Variants in BRINP3 observed in about 807,000 individuals in gnomAD.
BRINP3 encodes the protein BMP/retinoic acid inducible neural specific 3.
A neutral mutation model predicts 71.0 loss-of-function variants in BRINP3; 19 were observed. The ratio of observed to expected loss-of-function variants is 0.27; its 90% CI spans 0.19 to 0.39. The LOEUF (loss-of-function observed/expected upper bound fraction) is 0.39, where lower values mean the gene tolerates loss of function less well. BRINP3 is among the 10% of genes least tolerant of loss of function. The probability of loss-of-function intolerance (pLI) is 1.00; values close to 1 mark genes in which losing one functional copy is unlikely to be tolerated. For synonymous variants in BRINP3, 380 were observed against 337.7 expected, an observed-to-expected ratio of 1.13 and a Z score of -1.37; for missense variants, 959 against 940.8, an observed-to-expected ratio of 1.02 and a Z score of -0.25.
intron 2 of BRINP3, among the ~76,000 whole-genome samples, chr1:190,305,350 C>A (rs543111849): frequency 7.2e-5 from 11 of 151,754 alleles, no homozygotes; most frequent in Non-Finnish European, 1.2e-4. Flanking sequence ...TGGAATCAAT[C>A]CAAATGTCCA....
chr1:190,107,341 T>A (rs1227455390), intron 7 of BRINP3, among the ~76,000 whole-genome samples: 1 of 151,940 alleles, frequency 6.6e-6, no homozygotes, highest in Non-Finnish European at 1.5e-5. Context: ...TCTGTCCTTG[T>A]TACCCTCCTA....
chr1:190,344,927 A>T (rs147268754), intron 2 of BRINP3, among the ~76,000 whole-genome samples: 41 of 152,020 alleles, frequency 2.7e-4, no homozygotes, highest in African/African-American at 7.2e-4. Flanking sequence ...TTAAAGCAGA[A>T]GTAGTGAGCA....
chr1:190,195,489 T>A (rs1316334470), intron 6 of BRINP3, among the ~76,000 whole-genome samples: 1 of 152,006 alleles, frequency 6.6e-6, no homozygotes, highest in African/African-American at 2.4e-5. Context: ...AAACTTTTTA[T>A]ATATCCCTTG....
At position 190,196,476 on chromosome 1, in the gene BRINP3, C is replaced by T. The variant is rs539460051; in HGVS notation, c.961+29606G>A. On this transcript the variant is annotated intron_variant, in intron 6 of 7. Transcript: ENST00000367462. Reference sequence around the variant, plus strand: ...CAAAAAACATTTAAACATGTGTTTGCATTCCAAAGTAAACAGTTATAATAA... The same window carrying T: ...CAAAAAACATTTAAACATGTGTTTGTATTCCAAAGTAAACAGTTATAATAA... 3.9e-5 allele frequency among the ~76,000 whole-genome samples: 6 copies of T among 152,202 alleles called. No individual in the cohort carries two copies. In the East Asian group the frequency reaches 9.7e-4, roughly 25 times the overall value.
chr1:190,126,386 A>T (rs896572079), intron 7 of BRINP3, among the ~76,000 whole-genome samples: 1 of 151,770 alleles, frequency 6.6e-6, no homozygotes, highest in Non-Finnish European at 1.5e-5. Flanking sequence ...CCACATTCCC[A>T]CTTGACCTCC....
chr1:190,390,380 G>A (rs1571929758), intron 2 of BRINP3, among the ~76,000 whole-genome samples: 1 of 151,874 alleles, frequency 6.6e-6, no homozygotes, highest in African/African-American at 2.4e-5. Flanking sequence ...ACATGACCAT[G>A]GTGTGAATGC....
chr1:190,234,884 G>T (rs946521758), intron 4 of BRINP3, among the ~76,000 whole-genome samples: 3 of 151,992 alleles, frequency 2.0e-5, no homozygotes, highest in African/African-American at 7.2e-5. Context: ...TCTCAAAACT[G>T]ATTTTATTAT....
chr1:190,460,954 T>G (rs183180013), intron 1 of BRINP3, among the ~76,000 whole-genome samples: 2 of 152,148 alleles, frequency 1.3e-5, no homozygotes, highest in African/African-American at 4.8e-5. Context: ...CAATACCAAC[T>G]TTGCCTCTAA....
chr1:190,310,107 T>G (rs922500291), intron 2 of BRINP3, among the ~76,000 whole-genome samples: 1 of 151,044 alleles, frequency 6.6e-6, no homozygotes. Flanking sequence ...GTTGTTGTTT[T>G]TTTTTTTTTT....
intron 5 of BRINP3, among the ~76,000 whole-genome samples, chr1:190,232,657 T>A (rs1200591068): frequency 6.6e-6 from 1 of 152,090 alleles, no homozygotes; most frequent in African/African-American, 2.4e-5. Context: ...ATTTATTCCT[T>A]GTGTTAATTA....
chr1:190,305,772 A>G (rs117096793), intron 2 of BRINP3, among the ~76,000 whole-genome samples: 1,535 of 151,960 alleles, frequency 0.01, 23 homozygotes, highest in African/African-American at 0.034. Flanking sequence ...GTAGATTTCA[A>G]AAAAGCTAGA....
intron 2 of BRINP3, among the ~76,000 whole-genome samples, chr1:190,433,530 G>T (rs1042190650): frequency 3.9e-5 from 6 of 151,920 alleles, no homozygotes; most frequent in Admixed American, 3.9e-4. Context: ...CATATTCCAG[G>T]CCTCAGTTCA....
intron 4 of BRINP3, among the ~76,000 whole-genome samples, chr1:190,242,400 C>T (rs1021125502): frequency 5.9e-5 from 9 of 151,828 alleles, no homozygotes; most frequent in African/African-American, 2.2e-4. Context: ...TTTTCTTGGG[C>T]CTTCTCCAAA....
At chr1:190,330,602 C>T (rs1301983845) in intron 2 of BRINP3, among the ~76,000 whole-genome samples, 1 of 151,940 alleles carries the variant, frequency 6.6e-6, no homozygotes, top group African/African-American at 2.4e-5. Flanking sequence ...AATAGAAACA[C>T]CATTAGACCC....
At chr1:190,225,342 G>T (rs10800937) in intron 6 of BRINP3, among the ~76,000 whole-genome samples, 21,469 of 151,638 alleles carry the variant, frequency 0.14, 2,010 homozygotes, top group South Asian at 0.26. Flanking sequence ...TGGAACAAGA[G>T]GCCTTTATAT....
chr1:190,189,088 T>C (rs1653802689), intron 6 of BRINP3, among the ~76,000 whole-genome samples: 1 of 152,104 alleles, frequency 6.6e-6, no homozygotes, highest in African/African-American at 2.4e-5. Flanking sequence ...TCATCAGAAA[T>C]ACTGGCCTAT....
intron 3 of BRINP3, among the ~76,000 whole-genome samples, chr1:190,269,666 C>CAA (rs1661942311): frequency 1.3e-5 from 2 of 151,956 alleles, no homozygotes; most frequent in African/African-American, 4.8e-5. Flanking sequence ...CAATCTAAGT[C>CAA]ATAGCATGAG....
intron 7 of BRINP3, among the ~76,000 whole-genome samples, chr1:190,142,692 T>C (rs1372645037): frequency 6.6e-6 from 1 of 151,986 alleles, no homozygotes. Flanking sequence ...GTATAACCTA[T>C]CAGAAATATT....
chr1:190,425,270 CAT>C (rs1282710916), intron 2 of BRINP3, among the ~76,000 whole-genome samples: 2 of 151,564 alleles, frequency 1.3e-5, no homozygotes, highest in Non-Finnish European at 3.0e-5. Context: ...ATTTAAAAGA[CAT>C]ATGAGTTGAA....
Sources: gnomAD v4.1 joint callset for allele counts (sites outside exome capture counted in the v4.1 genomes callset) on GRCh38, gnomAD v4.1.1 for gene constraint, MANE v1.5 for transcripts, NCBI Gene and HGNC (gene_info 2026-07-23, HGNC 2026-07-21) for gene names.